The following DLGAP2 variants were observed in gnomAD, a reference collection of about 807,000 sequenced individuals.
The protein encoded by DLGAP2 is disks large-associated protein 2.
A neutral mutation model predicts 100.3 loss-of-function variants in DLGAP2; 26 were observed. The observed-to-expected ratio is 0.26, with a 90% CI of 0.19 to 0.36. The LOEUF is 0.36. Ranked by LOEUF, DLGAP2 falls within the 10% of genes least tolerant of loss-of-function variation. DLGAP2 has a pLI of 1.00. For synonymous variants in DLGAP2, 886 were observed against 630.1 expected, an observed-to-expected ratio of 1.41 and a Z score of -6.08; for missense variants, 1,858 against 1,453.2, an observed-to-expected ratio of 1.28 and a Z score of -4.53.
chr8:1,582,413 C>T (rs960504087), intron 6 of DLGAP2, among the ~76,000 whole-genome samples: 2 of 151,230 alleles, frequency 1.3e-5, no homozygotes, highest in African/African-American at 4.9e-5. Flanking sequence ...CTGGCCAGAA[C>T]ACCGTAAAGT....
At chr8:1,648,815 C>T (rs1163351343) in intron 8 of DLGAP2, among the ~76,000 whole-genome samples, 5 of 152,170 alleles carry the variant, frequency 3.3e-5, no homozygotes, top group Non-Finnish European at 7.3e-5. Flanking sequence ...TGATCTTTGC[C>T]AATGGAGAGG....
intron 3 of DLGAP2, among the ~76,000 whole-genome samples, chr8:1,413,260 A>G (rs1017246260): frequency 6.6e-6 from 1 of 152,238 alleles, no homozygotes; most frequent in African/African-American, 2.4e-5. Flanking sequence ...TTTAAAGTAA[A>G]TAAAGGAAGA....
chr8:1,101,717 C>T (rs184286529), intron 2 of DLGAP2, among the ~76,000 whole-genome samples: 5 of 133,018 alleles, frequency 3.8e-5, no homozygotes, highest in Non-Finnish European at 6.7e-5. Flanking sequence ...ACCCCGGAGC[C>T]GAACACGACA....
intron 3 of DLGAP2, among the ~76,000 whole-genome samples, chr8:1,381,782 AGT>A (rs72529197): frequency 0.17 from 24,202 of 141,564 alleles, 2,237 homozygotes; most frequent in Middle Eastern, 0.25. Context: ...GGGTTATTCT[AGT>A]GTGTGTGTGT....
chr8:1,410,114 T>C (rs1796686112), intron 3 of DLGAP2, among the ~76,000 whole-genome samples: 1 of 152,152 alleles, frequency 6.6e-6, no homozygotes, highest in African/African-American at 2.4e-5. Context: ...TGCCAGACGC[T>C]GACACCAAGT....
intron 4 of DLGAP2, 28 bp downstream of exon 4, chr8:1,501,459 G>GGAGA: frequency 6.5e-7 from 1 of 1,534,492 alleles, no homozygotes; most frequent in Non-Finnish European, 8.7e-7. Context: ...GCCCCGCTCT[G>GGAGA]GCGGGGCCCG....
intron 4 of DLGAP2, among the ~76,000 whole-genome samples, chr8:1,533,132 A>AG (rs1255008064): frequency 2.7e-5 from 4 of 147,392 alleles, no homozygotes; most frequent in Non-Finnish European, 5.9e-5. Flanking sequence ...CACTGATTCT[A>AG]GGGAAAAAAA....
intron 2 of DLGAP2, among the ~76,000 whole-genome samples, chr8:915,453 A>C (rs987551176): frequency 1.4e-4 from 21 of 152,226 alleles, no homozygotes; most frequent in African/African-American, 5.1e-4. Context: ...AGGCTGAGGC[A>C]GGAGAATGGT....
intron 3 of DLGAP2, among the ~76,000 whole-genome samples, chr8:1,370,308 C>G (rs1241437273): frequency 6.6e-6 from 1 of 152,108 alleles, no homozygotes; most frequent in African/African-American, 2.4e-5. Context: ...AGCAGTCACA[C>G]GGCGTGATTC....
intron 3 of DLGAP2, among the ~76,000 whole-genome samples, chr8:1,298,911 CG>C (rs1011609688): frequency 6.6e-6 from 1 of 151,764 alleles, no homozygotes; most frequent in Non-Finnish European, 1.5e-5. Context: ...GGGGAGAACC[CG>C]GGGGGAGAAC....
chr8:1,302,938 A>G (rs1212124678), intron 3 of DLGAP2, among the ~76,000 whole-genome samples: 1 of 152,206 alleles, frequency 6.6e-6, no homozygotes, highest in East Asian at 1.9e-4. Context: ...AGATTCAGTA[A>G]AACATGCACG....
intron 1 of DLGAP2, among the ~76,000 whole-genome samples, chr8:772,064 G>C (rs951370189): frequency 6.6e-6 from 1 of 151,994 alleles, no homozygotes; most frequent in Non-Finnish European, 1.5e-5. Context: ...ACTATGCCTG[G>C]CTAATTTTCT....
intron 1 of DLGAP2, among the ~76,000 whole-genome samples, chr8:800,698 A>G (rs774050986): frequency 6.6e-6 from 1 of 151,978 alleles, no homozygotes; most frequent in African/African-American, 2.4e-5. Flanking sequence ...GCATGTGTGC[A>G]TGTGTGTGTC....
At chr8:1,176,386 A>G (rs114446670) in intron 2 of DLGAP2, among the ~76,000 whole-genome samples, 272 of 151,406 alleles carry the variant, frequency 1.8e-3, no homozygotes, top group African/African-American at 6.0e-3. Context: ...GAGCCAAACC[A>G]TATCACCAGA....
At chr8:998,276 T>C (rs1277982652) in intron 2 of DLGAP2, among the ~76,000 whole-genome samples, 1 of 152,214 alleles carries the variant, frequency 6.6e-6, no homozygotes, top group African/African-American at 2.4e-5. Flanking sequence ...CCTCAGCTCC[T>C]ACAGAGGCTC....
At position 1,624,869 on chromosome 8, in the gene DLGAP2, G is replaced by C. The variant is rs79674352; in HGVS notation, c.1443-1871G>C. 4.3e-4 allele frequency among the ~76,000 whole-genome samples: 64 copies of C among 149,774 alleles called. 1 individual carries two copies. Among genetic ancestry groups the C allele is most frequent in the African/African-American group, 1.4e-3 (57 of 40,752 alleles). ...TTTCTCTCTCTCTCTCTCTCTCTCTGTCTCTCTCTCTCTCTCTTTCCTTTT... is the reference window on the plus strand; with the variant it reads ...TTTCTCTCTCTCTCTCTCTCTCTCTCTCTCTCTCTCTCTCTCTTTCCTTTT... On this transcript the variant is annotated intron_variant, in intron 6 of 14. Coordinates refer to ENST00000637795, the MANE Select transcript of DLGAP2 (RefSeq NM_001346810.2).
chr8:758,527 G>A (rs989077997), intron 1 of DLGAP2, among the ~76,000 whole-genome samples: 1 of 152,060 alleles, frequency 6.6e-6, no homozygotes, highest in East Asian at 1.9e-4. Context: ...CAAGGTGCCC[G>A]GGAGAATCAC....
At chr8:1,638,648 C>T (rs1797826130) in intron 8 of DLGAP2, among the ~76,000 whole-genome samples, 1 of 152,070 alleles carries the variant, frequency 6.6e-6, no homozygotes, top group Admixed American at 6.5e-5. Flanking sequence ...AGAGGGAGCT[C>T]CAGGGGCTCC....
chr8:811,680 T>C (rs1158435079), intron 1 of DLGAP2, among the ~76,000 whole-genome samples: 3 of 145,734 alleles, frequency 2.1e-5, no homozygotes, highest in Non-Finnish European at 3.0e-5. Context: ...GCTCCTGCCG[T>C]GGTGAGAGGC....
Sources: allele counts gnomAD v4.1 joint callset (sites outside exome capture counted in the v4.1 genomes callset), GRCh38; gene constraint gnomAD v4.1.1; transcripts MANE v1.5; gene names NCBI Gene and HGNC (gene_info 2026-07-23, HGNC 2026-07-21).